MOB3B: variants seen among roughly 807,000 people sequenced by gnomAD.
The protein encoded by MOB3B is MOB kinase activator 3B.
A neutral mutation model predicts 18.7 loss-of-function variants in MOB3B; 7 were observed. The observed-to-expected ratio is 0.37, with a 90% CI of 0.21 to 0.70. The LOEUF is 0.70. Among genes scored for constraint, MOB3B ranks in the 30% least tolerant of loss-of-function variants. The probability of loss-of-function intolerance (pLI) is 0.52; values close to 1 mark genes in which losing one functional copy is unlikely to be tolerated. For missense variants in MOB3B, 253 were observed against 281.3 expected (o/e 0.90, Z 0.72); for synonymous variants, 111 against 99.9 (o/e 1.11, Z -0.66).
At chr9:27,369,954 T>G (rs1250795018) in intron 2 of MOB3B, among the ~76,000 whole-genome samples, 1 of 91,246 alleles carries the variant, frequency 1.1e-5, no homozygotes, top group Admixed American at 1.0e-4. Flanking sequence ...TTTTTTTTTT[T>G]TGTCTCCCAG....
chr9:27,520,472 A>G (rs1320618303), intron 1 of MOB3B, among the ~76,000 whole-genome samples: 3 of 152,276 alleles, frequency 2.0e-5, no homozygotes, highest in Middle Eastern at 3.4e-3. Flanking sequence ...GTTTCCTTAC[A>G]CTGTCATTGT....
chr9:27,449,614 A>C (rs1325677302), intron 2 of MOB3B, among the ~76,000 whole-genome samples: 4 of 152,228 alleles, frequency 2.6e-5, no homozygotes, highest in Admixed American at 2.0e-4. Context: ...GTTGATGCCC[A>C]TTCTGTCTTG....
chr9:27,465,374 C>T (rs1044487687), intron 1 of MOB3B, among the ~76,000 whole-genome samples: 2 of 152,192 alleles, frequency 1.3e-5, no homozygotes, highest in African/African-American at 4.8e-5. Context: ...AAGTGGGTTC[C>T]CATTATTTTG....
At chr9:27,357,886 T>TCCAAAAAAAAAAAAAA (rs1563849115) in intron 3 of MOB3B, among the ~76,000 whole-genome samples, 2 of 25,292 alleles carry the variant, frequency 7.9e-5, no homozygotes, top group Admixed American at 7.0e-4. Flanking sequence ...ATCCCATCGC[T>TCCAAAAAAAAAAAAAA]ACAAAAAAAA....
At chr9:27,392,205 A>G (rs1053681169) in intron 2 of MOB3B, among the ~76,000 whole-genome samples, 1 of 152,184 alleles carries the variant, frequency 6.6e-6, no homozygotes, top group African/African-American at 2.4e-5. Context: ...CTTATTTAGA[A>G]CCATTTTTTG....
At chr9:27,410,035 T>C (rs149856459) in intron 2 of MOB3B, among the ~76,000 whole-genome samples, 1,773 of 152,306 alleles carry the variant, frequency 0.012, 103 homozygotes, top group Admixed American at 0.096. Flanking sequence ...TGTGAATGTG[T>C]TTAATGCCAC....
At chr9:27,409,625 T>C (rs1042125567) in intron 2 of MOB3B, among the ~76,000 whole-genome samples, 21 of 152,020 alleles carry the variant, frequency 1.4e-4, no homozygotes, top group Non-Finnish European at 2.9e-4. Context: ...AAATAGACAC[T>C]TGTACCTCAA....
chr9:27,427,322 C>T (rs1233443710), intron 2 of MOB3B, among the ~76,000 whole-genome samples: 1 of 152,312 alleles, frequency 6.6e-6, no homozygotes, highest in Admixed American at 6.5e-5. Flanking sequence ...ATCTGGTTAC[C>T]TCCAAGGGAA....
intron 1 of MOB3B, chr9:27,526,365 G>C (rs1820436925): frequency 6.6e-6 from 1 of 152,318 alleles, no homozygotes; most frequent in East Asian, 1.9e-4. Context: ...ACTATCAGCA[G>C]AGTTGTTCCA....
intron 1 of MOB3B, among the ~76,000 whole-genome samples, chr9:27,466,845 T>G (rs1275609911): frequency 6.6e-6 from 1 of 152,126 alleles, no homozygotes; most frequent in Non-Finnish European, 1.5e-5. Context: ...TGTGGGAATT[T>G]TGGGAGATAA....
intron 2 of MOB3B, among the ~76,000 whole-genome samples, chr9:27,362,283 T>A (rs540260934): frequency 2.6e-5 from 4 of 152,186 alleles, no homozygotes; most frequent in Non-Finnish European, 4.4e-5. Flanking sequence ...CTACAGCTTA[T>A]GTAGCCTATG....
chr9:27,526,328 G>C (rs920067213), intron 1 of MOB3B: 2 of 152,212 alleles, frequency 1.3e-5, no homozygotes, highest in African/African-American at 4.8e-5. Context: ...AATAAAATGA[G>C]TTAGTGCAAA....
At chr9:27,355,438 T>C (rs1587150877) in intron 3 of MOB3B, among the ~76,000 whole-genome samples, 1 of 152,180 alleles carries the variant, frequency 6.6e-6, no homozygotes, top group South Asian at 2.1e-4. Flanking sequence ...ACAACTAGAA[T>C]GTGAAGCCAA....
chr9:27,406,155 T>C (rs1458087855), intron 2 of MOB3B, among the ~76,000 whole-genome samples: 1 of 152,198 alleles, frequency 6.6e-6, no homozygotes, highest in African/African-American at 2.4e-5. Context: ...GCAGATGCTA[T>C]GATCTTATAT....
intron 3 of MOB3B, among the ~76,000 whole-genome samples, chr9:27,352,743 C>T (rs1475482542): frequency 6.6e-6 from 1 of 152,128 alleles, no homozygotes; most frequent in Non-Finnish European, 1.5e-5. Flanking sequence ...AGCAGTGCTG[C>T]CCAGAGTGTG....
intron 2 of MOB3B, among the ~76,000 whole-genome samples, chr9:27,450,543 T>C (rs1368312177): frequency 1.3e-5 from 2 of 152,148 alleles, no homozygotes; most frequent in Non-Finnish European, 2.9e-5. Flanking sequence ...ATCTAAAAGT[T>C]CTAGCCAAAA....
chr9:27,421,207 C>T (rs1822244820), intron 2 of MOB3B: 1 of 152,332 alleles, frequency 6.6e-6, no homozygotes, highest in Non-Finnish European at 1.5e-5. Context: ...TCTCCTGTCT[C>T]AGCCGCCCAA....
At chr9:27,392,885 A>AG (rs1242288295) in intron 2 of MOB3B, among the ~76,000 whole-genome samples, 1 of 152,192 alleles carries the variant, frequency 6.6e-6, no homozygotes, top group Non-Finnish European at 1.5e-5. Flanking sequence ...GACATACAGA[A>AG]GGGACTCAAA....
intron 2 of MOB3B, among the ~76,000 whole-genome samples, chr9:27,415,876 T>G (rs1220084490): frequency 6.6e-6 from 1 of 152,248 alleles, no homozygotes; most frequent in Non-Finnish European, 1.5e-5. Context: ...GAGTGGATTT[T>G]ATCACTCATA....
Sources: allele counts gnomAD v4.1 joint callset (sites outside exome capture counted in the v4.1 genomes callset), GRCh38; gene constraint gnomAD v4.1.1; transcripts MANE v1.5; gene names NCBI Gene and HGNC (gene_info 2026-07-23, HGNC 2026-07-21).